Variants in DCAF8L2 observed in about 807,000 individuals in gnomAD.
The protein encoded by DCAF8L2 is DDB1 and CUL4 associated factor 8 like 2.
For synonymous variants in DCAF8L2, 200 were observed against 190.9 expected, an observed-to-expected ratio of 1.05 and a Z score of -0.39; for missense variants, 430 against 490.7, an observed-to-expected ratio of 0.88 and a Z score of 1.17.
chrX:27,562,917 T>C, the DCAF8L2 span, among the ~76,000 whole-genome samples: 11 of 112,329 alleles, frequency 9.8e-5, no homozygotes, highest in Non-Finnish European at 2.1e-4. Context: ...CCATGTCTAT[T>C]GCATATGTTA....
At chrX:27,709,818 T>C (rs1236003482) in intron 3 of DCAF8L2, among the ~76,000 whole-genome samples, 1 of 111,319 alleles carries the variant, frequency 9.0e-6, no homozygotes, top group Non-Finnish European at 1.9e-5. Context: ...GGCTGGCATG[T>C]TCATTTTTTT....
At chrX:27,628,982 C>T (rs945174979) in intron 1 of DCAF8L2, among the ~76,000 whole-genome samples, 1 of 111,436 alleles carries the variant, frequency 9.0e-6, no homozygotes, top group Non-Finnish European at 1.9e-5. Context: ...TGTTGATTAC[C>T]TTCTCATATG....
At chrX:27,732,668 A>G (rs1342527526) in intron 4 of DCAF8L2, among the ~76,000 whole-genome samples, 5 of 111,161 alleles carry the variant, frequency 4.5e-5, no homozygotes, top group Non-Finnish European at 9.4e-5. Flanking sequence ...CATATCTTGG[A>G]TACTATGAAA....
At chrX:27,587,701 A>G (rs1898186930), upstream of DCAF8L2, among the ~76,000 whole-genome samples, 1 of 111,133 alleles carries the variant, frequency 9.0e-6, no homozygotes, top group South Asian at 3.7e-4. Flanking sequence ...TGACAAACTG[A>G]CTTCCCCAAA....
At chrX:27,618,236 A>G (rs1038830150) in intron 1 of DCAF8L2, among the ~76,000 whole-genome samples, 4 of 111,944 alleles carry the variant, frequency 3.6e-5, no homozygotes, top group Non-Finnish European at 7.5e-5. Context: ...CAGTGGAATC[A>G]TAATCTAGAT....
At chrX:27,705,802 T>C (rs1019249351) in intron 3 of DCAF8L2, among the ~76,000 whole-genome samples, 1 of 112,180 alleles carries the variant, frequency 8.9e-6, no homozygotes. Flanking sequence ...TTAGATTCTA[T>C]TTGTCAATTG....
At chrX:27,631,490 A>G (rs760518301) in intron 1 of DCAF8L2, among the ~76,000 whole-genome samples, 2 of 112,723 alleles carry the variant, frequency 1.8e-5, no homozygotes, top group Non-Finnish European at 3.7e-5. Context: ...ACGTGTGGCT[A>G]TAAAGCAAGT....
At chrX:27,678,298 A>T (rs763600464) in intron 3 of DCAF8L2, among the ~76,000 whole-genome samples, 1 of 111,990 alleles carries the variant, frequency 8.9e-6, no homozygotes, top group Admixed American at 9.5e-5. Context: ...TTAAACATAG[A>T]ATTACCATAT....
chrX:27,560,520 A>G, the DCAF8L2 span, among the ~76,000 whole-genome samples: 1 of 111,676 alleles, frequency 9.0e-6, no homozygotes, highest in Non-Finnish European at 1.9e-5. Flanking sequence ...AGGGAGTGAT[A>G]CTGATGTAAC....
At chrX:27,526,026 G>A in the DCAF8L2 span, among the ~76,000 whole-genome samples, 2 of 111,338 alleles carry the variant, frequency 1.8e-5, no homozygotes, top group Admixed American at 1.9e-4. Flanking sequence ...TTCTCAAGGA[G>A]TGTCTTTGTG....
At chrX:27,713,726 A>G (rs1344233732) in intron 3 of DCAF8L2, among the ~76,000 whole-genome samples, 1 of 111,724 alleles carries the variant, frequency 9.0e-6, no homozygotes, top group East Asian at 2.8e-4. Flanking sequence ...TGTCAGCCAT[A>G]TGATCTCTGT....
At chrX:27,644,829 ACTG>A (rs1410666847) in intron 2 of DCAF8L2, among the ~76,000 whole-genome samples, 1 of 111,747 alleles carries the variant, frequency 8.9e-6, no homozygotes, top group African/African-American at 3.3e-5. Flanking sequence ...ATCTCGGCTC[ACTG>A]CAACCTCCAC....
chrX:27,550,911 GTC>G, the DCAF8L2 span, among the ~76,000 whole-genome samples: 1 of 110,818 alleles, frequency 9.0e-6, no homozygotes, highest in Non-Finnish European at 1.9e-5. Context: ...CTCACTTCGT[GTC>G]TCTGTGTCAC....
chrX:27,585,314 A>G, the DCAF8L2 span, among the ~76,000 whole-genome samples: 2 of 111,432 alleles, frequency 1.8e-5, no homozygotes, highest in African/African-American at 3.3e-5. Context: ...TGTGAAATCA[A>G]TTTTGTTCCT....
chrX:27,479,074 A>C, the DCAF8L2 span, among the ~76,000 whole-genome samples: 14 of 110,848 alleles, frequency 1.3e-4, no homozygotes, highest in East Asian at 2.6e-3. Flanking sequence ...CTCTCTCTCT[A>C]TGTTTCTCTG....
Position 27,695,618 on chromosome X carries a change from C to T in DCAF8L2, c.-143+17706C>T, listed in dbSNP as rs148340709. On this transcript the variant is annotated intron_variant, in intron 3 of 4. Transcript: ENST00000451261. ...CTTCTCAAAATAAAACGTTTACAGG[C>T]TAGCATAGTGCCTGGCATAAAATAG... Among the ~76,000 whole-genome samples the T allele has an allele frequency of 1.5e-3, 171 of 111,366 alleles. 1 individual carries two copies. Among genetic ancestry groups the T allele is most frequent in the African/African-American group, 5.2e-3 (159 of 30,652 alleles).
At chrX:27,595,432 C>A (rs1323593386) in intron 1 of DCAF8L2, among the ~76,000 whole-genome samples, 1 of 111,429 alleles carries the variant, frequency 9.0e-6, no homozygotes, top group Non-Finnish European at 1.9e-5. Context: ...TTAGCCCTGA[C>A]CATCTCGAAT....
At chrX:27,657,916 C>T (rs1929412649) in intron 2 of DCAF8L2, among the ~76,000 whole-genome samples, 1 of 111,994 alleles carries the variant, frequency 8.9e-6, no homozygotes, top group Admixed American at 9.5e-5. Flanking sequence ...TAATCAAAAG[C>T]CACAAATAGC....
chrX:27,612,114 G>C (rs768955059), intron 1 of DCAF8L2, among the ~76,000 whole-genome samples: 1 of 111,440 alleles, frequency 9.0e-6, no homozygotes, highest in South Asian at 3.8e-4. Flanking sequence ...CTTGTTTCCT[G>C]ACTTTTTAAT....
Sources: gnomAD v4.1 joint callset for allele counts (sites outside exome capture counted in the v4.1 genomes callset) on GRCh38, gnomAD v4.1.1 for gene constraint, MANE v1.5 for transcripts, NCBI Gene and HGNC (gene_info 2026-07-23, HGNC 2026-07-21) for gene names.